Variants in MACF1 observed in about 807,000 individuals in gnomAD.
MACF1 encodes the protein microtubule actin crosslinking factor 1, also known as microtubule-actin cross-linking factor 1.
MACF1 carries 193 observed loss-of-function variants against 854.8 expected under a neutral mutation model. The observed-to-expected ratio is 0.23, with a 90% CI of 0.20 to 0.25. The LOEUF is 0.25. Among genes scored for constraint, MACF1 ranks in the 10% least tolerant of loss-of-function variants. The pLI is 1.00. For synonymous variants in MACF1, 3,185 were observed against 3,226.7 expected, an observed-to-expected ratio of 0.99 and a Z score of 0.44; for missense variants, 7,722 against 8,929.1, an observed-to-expected ratio of 0.86 and a Z score of 5.45.
chr1:39,373,365 A>G (rs1314227082), intron 52 of MACF1: 1 of 149,248 alleles, frequency 6.7e-6, no homozygotes, highest in Non-Finnish European at 1.5e-5. Context: ...GCTACTCGGG[A>G]GTCTGAAACA....
rs936587632 is a variant in MACF1, at chr1:39,204,976, G to T, written c.-47G>T. The T allele has an allele frequency of 4.3e-6, 3 of 702,052 alleles. No individual in the cohort carries two copies. Among genetic ancestry groups the T allele is most frequent in the Non-Finnish European group, 7.8e-6 (3 of 384,520 alleles). The allele number at this position is 702,052 out of a possible 1,614,324, so 43.5% of individuals were successfully genotyped here. A position where few individuals can be genotyped will look rare whatever the true frequency, so the allele number is the denominator to read the frequency against. On this transcript the variant is annotated 5_prime_UTR_variant, in exon 1 of 101. Coordinates refer to ENST00000564288, the MANE Select transcript of MACF1 (RefSeq NM_001394062.1). ...AGGAGAAAGGCATCCAGAGGCCTGCGCTGAGCTTGTGGCTAACTCAAGGGA... is the reference window on the plus strand; with the variant it reads ...AGGAGAAAGGCATCCAGAGGCCTGCTCTGAGCTTGTGGCTAACTCAAGGGA...
Position 39,205,081 on chromosome 1 carries a change from T to C in MACF1, c.59T>C (p.Leu20Pro). 1 of 703,046 alleles carries C rather than the reference T, an allele frequency of 1.4e-6. No individual in the cohort carries two copies. Among genetic ancestry groups the C allele is most frequent in the Non-Finnish European group, 2.6e-6 (1 of 385,004 alleles). The allele number at this position is 703,046 out of a possible 1,614,324, so 43.6% of individuals were successfully genotyped here. ...ACCATCTTTATTTTGACTCACGTTC[T>C]TGGAGTTGCTGGTGTTCTATACTGG... ...PPTIFILTHVLGVAGVLYWKR... is the reference protein window; with the variant it reads ...PPTIFILTHVPGVAGVLYWKR... Residue 20 changes from leucine (L) to proline (P), a missense_variant, in exon 1 of 101, where the codon CTT becomes CCT. Leu to Pro is a moderately conservative substitution (Grantham distance 98, BLOSUM62 -3). Coordinates refer to ENST00000564288, the MANE Select transcript of MACF1 (RefSeq NM_001394062.1).
chr1:39,464,983 T>C, intron 94 of MACF1, 112 bp from the exon 95 acceptor site: 1 of 967,486 alleles, frequency 1.0e-6, no homozygotes, highest in Non-Finnish European at 1.7e-6. Context: ...TGTGTGTCAC[T>C]TTGCCAGAAA....
intron 93 of MACF1, among the ~76,000 whole-genome samples, 192 bp from the exon 94 acceptor site, chr1:39,463,420 C>T (rs893292259): frequency 2.0e-5 from 3 of 150,500 alleles, no homozygotes; most frequent in African/African-American, 4.9e-5. Flanking sequence ...AACCAGGAGG[C>T]GGAGGTTGTG....
At chr1:39,156,311 T>C (rs1276616170) in intron 2 of MACF1, among the ~76,000 whole-genome samples, 1 of 152,122 alleles carries the variant, frequency 6.6e-6, no homozygotes, top group African/African-American at 2.4e-5. Context: ...TCCTGGCCTA[T>C]GACTTAGTAT....
At chr1:39,130,903 G>A (rs1016037727) in intron 2 of MACF1, among the ~76,000 whole-genome samples, 3 of 151,118 alleles carry the variant, frequency 2.0e-5, no homozygotes, top group Non-Finnish European at 2.9e-5. Context: ...GTGCAATGGT[G>A]TGATCTCGGC....
chr1:39,191,514 G>A (rs557632630), intron 2 of MACF1, among the ~76,000 whole-genome samples: 3 of 152,216 alleles, frequency 2.0e-5, no homozygotes, highest in Non-Finnish European at 4.4e-5. Context: ...CAAAAAAACA[G>A]ATGCTGTCGT....
At chr1:39,316,212 T>G (rs1646409985) in intron 27 of MACF1, among the ~76,000 whole-genome samples, 179 bp from the exon 28 acceptor site, 1 of 152,216 alleles carries the variant, frequency 6.6e-6, no homozygotes, top group African/African-American at 2.4e-5. Context: ...TTGAATTGGC[T>G]TAAATTGGCA....
At chr1:39,239,555 C>G (rs1644898121) in intron 2 of MACF1, among the ~76,000 whole-genome samples, 1 of 152,120 alleles carries the variant, frequency 6.6e-6, no homozygotes, top group African/African-American at 2.4e-5. Context: ...ATACCAGAAC[C>G]ATCAAAAAGA....
At chr1:39,289,372 C>T (rs1009176575) in intron 15 of MACF1, among the ~76,000 whole-genome samples, 73 of 152,114 alleles carry the variant, frequency 4.8e-4, no homozygotes, top group African/African-American at 1.5e-3. Flanking sequence ...ACGAGGCTTC[C>T]GTTTTCTCCA....
chr1:39,200,530 C>T (rs1644376489), upstream of MACF1, among the ~76,000 whole-genome samples: 1 of 151,126 alleles, frequency 6.6e-6, no homozygotes, highest in Non-Finnish European at 1.5e-5. Flanking sequence ...AAAACCGTGT[C>T]TCTACTAAAA....
chr1:39,243,331 A>G (rs932423512), intron 2 of MACF1, among the ~76,000 whole-genome samples: 2 of 152,198 alleles, frequency 1.3e-5, no homozygotes, highest in Non-Finnish European at 2.9e-5. Flanking sequence ...ACAGAATGGT[A>G]TAATTATTTG....
intron 2 of MACF1, among the ~76,000 whole-genome samples, chr1:39,176,527 C>G (rs1253883377): frequency 2.0e-5 from 3 of 152,238 alleles, no homozygotes; most frequent in South Asian, 4.2e-4. Context: ...GATTCTTATA[C>G]CTTGCATATG....
Position 39,333,359 on chromosome 1 carries a change from A to G in MACF1, c.6771A>G (p.Ser2257=). The G allele has an allele frequency of 6.2e-7, 1 of 1,614,138 alleles. No homozygotes were observed. Among genetic ancestry groups the G allele is most frequent in the Non-Finnish European group, 8.5e-7 (1 of 1,180,014 alleles). The change falls in exon 37 of 101, where the codon TCA becomes TCG. Residue 2257 remains serine, a synonymous_variant. Transcript: ENST00000564288. ...TCGCAGGTGGTAGTATGATGATGTC[A>G]GAAAAGACCGATGAGGAAGATAGTG... The part of the protein sequence containing the change: ...QNIAGGSMMM[S]EKTDEEDSGR...
chr1:39,361,220 G>T, intron 48 of MACF1, 140 bp from the exon 49 acceptor site: 4 of 866,366 alleles, frequency 4.6e-6, no homozygotes, highest in Non-Finnish European at 7.1e-6. Flanking sequence ...GAGAACTAAG[G>T]TGATGAGATG....
intron 33 of MACF1, 147 bp from the exon 34 acceptor site, chr1:39,324,045 GC>G: frequency 1.3e-6 from 1 of 765,336 alleles, no homozygotes. Context: ...TGTAGGCTGG[GC>G]TAAATTATAC....
At chr1:39,411,310 C>T in intron 58 of MACF1, 2 of 1,614,026 alleles carry the variant, frequency 1.2e-6, no homozygotes, top group Non-Finnish European at 1.7e-6. Flanking sequence ...AAAGACTTTT[C>T]TGATGGCAGA....
intron 2 of MACF1, among the ~76,000 whole-genome samples, chr1:39,180,672 T>G (rs1468747527): frequency 6.6e-6 from 1 of 152,184 alleles, no homozygotes; most frequent in Admixed American, 6.5e-5. Flanking sequence ...TTTACATATT[T>G]GACGCATTTG....
At chr1:39,170,907 G>A (rs943853734) in intron 2 of MACF1, among the ~76,000 whole-genome samples, 9 of 152,082 alleles carry the variant, frequency 5.9e-5, no homozygotes, top group African/African-American at 2.2e-4. Context: ...AGAGGGATTA[G>A]AGGACTGGGC....
Sources: allele counts gnomAD v4.1 joint callset (sites outside exome capture counted in the v4.1 genomes callset), GRCh38; gene constraint gnomAD v4.1.1; transcripts MANE v1.5; gene names NCBI Gene and HGNC (gene_info 2026-07-23, HGNC 2026-07-21).